Variants in XKR4 observed in about 807,000 individuals in gnomAD.
XKR4 encodes XK related 4.
A neutral mutation model predicts 53.9 loss-of-function variants in XKR4; 12 were observed. That is an observed-to-expected ratio of 0.22 (90% CI 0.14 to 0.36). The LOEUF is 0.36. XKR4 is among the 10% of genes least tolerant of loss of function. The probability of loss-of-function intolerance (pLI) is 1.00; values close to 1 mark genes in which losing one functional copy is unlikely to be tolerated. For synonymous variants in XKR4, 354 were observed against 362.4 expected (o/e 0.98, Z 0.26); for missense variants, 799 against 859.5 (o/e 0.93, Z 0.88).
chr8:55,463,730 A>G (rs1473727441), intron 2 of XKR4, among the ~76,000 whole-genome samples: 1 of 152,094 alleles, frequency 6.6e-6, no homozygotes, highest in Non-Finnish European at 1.5e-5. Flanking sequence ...GACCGCTAGC[A>G]AGACTAATAA....
intron 1 of XKR4, among the ~76,000 whole-genome samples, chr8:55,301,119 G>A (rs1182519890): frequency 1.3e-5 from 2 of 151,094 alleles, no homozygotes; most frequent in Non-Finnish European, 3.0e-5. Context: ...AGCATTAGGT[G>A]TATCTCCTAA....
At chr8:55,362,293 T>C (rs769190203) in intron 2 of XKR4, among the ~76,000 whole-genome samples, 2 of 152,010 alleles carry the variant, frequency 1.3e-5, no homozygotes, top group Admixed American at 6.5e-5. Context: ...TAGTTCAAAT[T>C]TGAGCTCATG....
In XKR4 at chr8:55,340,167, A is replaced by C. The variant is rs549458402; in HGVS notation, c.807-17511A>C. On this transcript the variant is annotated intron_variant, in intron 1 of 2. Transcript: ENST00000327381. ...CACAAAAGGAAGGTCTGTATAGCAC[A>C]ATGCTCAAAGACAAGAACAAAAGAA... Among the ~76,000 whole-genome samples, 24 of 152,358 alleles carry C rather than the reference A, an allele frequency of 1.6e-4. No homozygotes were observed. The South Asian group carries it at 4.8e-3, about 30-fold the overall frequency.
intron 2 of XKR4, among the ~76,000 whole-genome samples, chr8:55,374,941 G>A (rs1804125027): frequency 6.6e-6 from 1 of 152,212 alleles, no homozygotes; most frequent in African/African-American, 2.4e-5. Context: ...GCTGTGAAAA[G>A]CTGGTCATGG....
At chr8:55,240,283 T>C (rs1189931863) in intron 1 of XKR4, among the ~76,000 whole-genome samples, 1 of 152,098 alleles carries the variant, frequency 6.6e-6, no homozygotes, top group East Asian at 1.9e-4. Flanking sequence ...ACAGATCAAA[T>C]ACATAAGAAG....
At chr8:55,515,835 A>G (rs1806704563) in intron 2 of XKR4, among the ~76,000 whole-genome samples, 1 of 152,222 alleles carries the variant, frequency 6.6e-6, no homozygotes, top group Non-Finnish European at 1.5e-5. Context: ...CAAGAGTTAA[A>G]GACCTCCAGG....
intron 2 of XKR4, among the ~76,000 whole-genome samples, chr8:55,421,091 A>T (rs865850971): frequency 6.4e-4 from 98 of 152,362 alleles, no homozygotes; most frequent in African/African-American, 2.2e-3. Flanking sequence ...TTTTAGACAG[A>T]ATTGAATTCA....
chr8:55,484,248 A>T (rs1029637562), intron 2 of XKR4, among the ~76,000 whole-genome samples: 1 of 152,042 alleles, frequency 6.6e-6, no homozygotes, highest in Non-Finnish European at 1.5e-5. Context: ...AATTCTACCA[A>T]ATGTTTAAAT....
chr8:55,381,523 G>A (rs1009129210), intron 2 of XKR4, among the ~76,000 whole-genome samples: 7 of 152,182 alleles, frequency 4.6e-5, no homozygotes, highest in Non-Finnish European at 8.8e-5. Context: ...AAAGGCCATG[G>A]AATCTGGACT....
intron 1 of XKR4, among the ~76,000 whole-genome samples, chr8:55,229,003 C>G (rs1367982776): frequency 6.6e-6 from 1 of 151,952 alleles, no homozygotes; most frequent in East Asian, 1.9e-4. Context: ...ACTTGAAAAA[C>G]AAACAAACAA....
intron 2 of XKR4, among the ~76,000 whole-genome samples, chr8:55,474,815 T>C (rs1368872963): frequency 6.6e-6 from 1 of 152,142 alleles, no homozygotes; most frequent in Non-Finnish European, 1.5e-5. Flanking sequence ...CATTAGGTAA[T>C]CTATATCTGG....
intron 2 of XKR4, among the ~76,000 whole-genome samples, chr8:55,398,176 T>A (rs1345828568): frequency 6.6e-6 from 1 of 152,112 alleles, no homozygotes; most frequent in Non-Finnish European, 1.5e-5. Context: ...CCTCCCTCTA[T>A]CTCCAAAAGG....
intron 2 of XKR4, among the ~76,000 whole-genome samples, chr8:55,388,816 G>C (rs1368929829): frequency 6.6e-6 from 1 of 152,144 alleles, no homozygotes; most frequent in Non-Finnish European, 1.5e-5. Context: ...ATTCAGATCT[G>C]TTATCCTCGG....
At chr8:55,117,463 TA>T (rs1443926412) in intron 1 of XKR4, among the ~76,000 whole-genome samples, 1 of 152,216 alleles carries the variant, frequency 6.6e-6, no homozygotes, top group African/African-American at 2.4e-5. Flanking sequence ...ATGCTGTGCT[TA>T]TTTGGTGGAT....
rs796800353 is a variant in XKR4, at chr8:55,301,242, G to A, written c.807-56436G>A. 4.0e-5 allele frequency among the ~76,000 whole-genome samples: 6 copies of A among 148,338 alleles called. No homozygotes were observed. In the East Asian group the frequency reaches 6.0e-4, roughly 15 times the overall value. ...TTCCCACCCAGGAGTGAGAACATGC[G>A]GTGTTTGGTTTTTTGTCCTTGGGAT... is the stretch of plus-strand genomic sequence containing the variant. On this transcript the variant is annotated intron_variant, in intron 1 of 2. Transcript: ENST00000327381.
chr8:55,103,819 CAAAGT>C, intron 1 of XKR4, among the ~76,000 whole-genome samples: 1 of 140,080 alleles, frequency 7.1e-6, no homozygotes, highest in South Asian at 2.3e-4. Flanking sequence ...GTGCTTTACT[CAAAGT>C]AAAGATCCTA....
At chr8:55,480,599 A>G (rs1806086105) in intron 2 of XKR4, among the ~76,000 whole-genome samples, 1 of 152,096 alleles carries the variant, frequency 6.6e-6, no homozygotes, top group Admixed American at 6.6e-5. Context: ...TTAGGAAAAG[A>G]GGAAGTCAAA....
chr8:55,465,522 C>T (rs1160951805), intron 2 of XKR4, among the ~76,000 whole-genome samples: 1 of 151,782 alleles, frequency 6.6e-6, no homozygotes, highest in Admixed American at 6.6e-5. Flanking sequence ...AGACCTAAAA[C>T]CATAAAAACC....
rs118055526 is a variant in XKR4 at position 55,408,445 on chromosome 8, T to C, written c.1006+50568T>C. 9.2e-5 allele frequency among the ~76,000 whole-genome samples: 14 copies of C among 152,260 alleles called. No homozygotes were observed. In the East Asian group the frequency reaches 2.7e-3, roughly 29 times the overall value. ...CACTACTCAATAATTCTGTATCATA[T>C]CTCAAGATGTGGCCCAGGGAACCGC... On this transcript the variant is annotated intron_variant, in intron 2 of 2. Transcript: ENST00000327381.
Sources: gnomAD v4.1 joint callset for allele counts (sites outside exome capture counted in the v4.1 genomes callset) on GRCh38, gnomAD v4.1.1 for gene constraint, MANE v1.5 for transcripts, NCBI Gene and HGNC (gene_info 2026-07-23, HGNC 2026-07-21) for gene names.